MDFI: variants seen among roughly 807,000 people sequenced by gnomAD.
MDFI encodes the protein MyoD family inhibitor, also known as inhibitor of MyoD family a.
In MDFI, 16 loss-of-function variants were observed where a neutral mutation model predicts 22.3. The observed-to-expected ratio is 0.72, with a 90% CI of 0.49 to 1.09. The LOEUF (loss-of-function observed/expected upper bound fraction) is 1.09. Ranked by LOEUF, MDFI falls within the 50% of genes least tolerant of loss-of-function variation. The probability of loss-of-function intolerance (pLI) is 0.00; values close to 1 mark genes in which losing one functional copy is unlikely to be tolerated. For missense variants in MDFI, 314 were observed against 326.1 expected (o/e 0.96, Z 0.29); for synonymous variants, 145 against 142.7 (o/e 1.02, Z -0.12).
In MDFI at chr6:41,653,728, C is replaced by T; in HGVS notation, c.*153C>T. On this transcript the variant is annotated 3_prime_UTR_variant, in exon 5 of 5. Transcript: ENST00000230321. The surrounding 1 kb of genome is among the most constrained non-coding windows in gnomAD (Gnocchi z 4.2). ...ACCCATGTCCTCTCAGAACCCCAGC[C>T]TTGAAAATAGTGGGGGGCACTCAGA... The T allele has an allele frequency of 6.9e-6, 7 of 1,008,638 alleles. No individual in the cohort carries two copies. In the South Asian group the frequency reaches 1.2e-4, roughly 17 times the overall value. The allele number at this position is 1,008,638 out of a possible 1,614,324, so 62.5% of individuals were successfully genotyped here.
chr6:41,645,296 A>G (rs1768005452), intron 2 of MDFI, among the ~76,000 whole-genome samples: 1 of 151,294 alleles, frequency 6.6e-6, no homozygotes, highest in African/African-American at 2.4e-5. Flanking sequence ...TTTCCCCCTG[A>G]GCCTAGGGGC....
At position 41,653,184 on chromosome 6, in the gene MDFI, T is replaced by G; in HGVS notation, c.485-135T>G. The stretch of plus-strand genomic sequence containing the variant: ...AAATGGAGCTGTGGGGACGGATTCG[T>G]GAGCTTCAGGCACACAGTGAACACT... On this transcript the variant is annotated intron_variant, in intron 4 of 4. Coordinates refer to ENST00000230321, the MANE Select transcript of MDFI (RefSeq NM_005586.4). The surrounding 1 kb of genome is among the most constrained non-coding windows in gnomAD (Gnocchi z 4.2). 1.5e-5 allele frequency: 13 copies of G among 892,280 alleles called. No homozygotes were observed. Among genetic ancestry groups the G allele is most frequent in the Non-Finnish European group, 2.3e-5 (13 of 570,034 alleles). The allele number at this position is 892,280 out of a possible 1,614,324, so 55.3% of individuals were successfully genotyped here.
intron 2 of MDFI, among the ~76,000 whole-genome samples, chr6:41,645,428 G>A (rs189001511): frequency 4.6e-5 from 7 of 152,070 alleles, no homozygotes; most frequent in South Asian, 4.2e-4. Flanking sequence ...CCAGTGCTCC[G>A]GCCGGCTCCT....
At chr6:41,652,803 A>T (rs1298995761) in intron 4 of MDFI, among the ~76,000 whole-genome samples, 2 of 151,920 alleles carry the variant, frequency 1.3e-5, no homozygotes, top group African/African-American at 2.4e-5. Context: ...TTTTTAATAG[A>T]GATGGGATTT....
intron 2 of MDFI, among the ~76,000 whole-genome samples, chr6:41,644,144 C>A (rs1383953361): frequency 6.6e-6 from 1 of 152,190 alleles, no homozygotes; most frequent in Non-Finnish European, 1.5e-5. Context: ...GCACCAGCGT[C>A]TCCACTTGCC....
chr6:41,644,187 A>G (rs1178367065), intron 2 of MDFI, among the ~76,000 whole-genome samples: 1 of 152,156 alleles, frequency 6.6e-6, no homozygotes, highest in Non-Finnish European at 1.5e-5. Context: ...CTGATCGTCC[A>G]AAAGCTATTT....
chr6:41,647,281 G>T (rs1378195345), intron 3 of MDFI, among the ~76,000 whole-genome samples: 1 of 152,228 alleles, frequency 6.6e-6, no homozygotes, highest in South Asian at 2.1e-4. Flanking sequence ...CTGAGTGTTT[G>T]CTCTGTGACT....
At chr6:41,650,280 A>G (rs1307203122) in intron 4 of MDFI, among the ~76,000 whole-genome samples, 1 of 152,190 alleles carries the variant, frequency 6.6e-6, no homozygotes, top group African/African-American at 2.4e-5. Flanking sequence ...CAGGGCTGCA[A>G]GGTGCAGTAG....
intron 3 of MDFI, 119 bp from the exon 4 acceptor site, chr6:41,649,500 A>G: frequency 1.1e-6 from 1 of 872,128 alleles, no homozygotes; most frequent in Non-Finnish European, 1.8e-6. Context: ...TGCAGGATAC[A>G]GGTCTGGCTG....
At chr6:41,639,143 G>C (rs1254359080) in intron 2 of MDFI, 3 of 746,372 alleles carry the variant, frequency 4.0e-6, no homozygotes, top group Non-Finnish European at 4.9e-6. Context: ...TCTGGGATTT[G>C]TGTCTCAACT....
At chr6:41,643,650 T>TAA (rs200900866) in intron 2 of MDFI, among the ~76,000 whole-genome samples, 4 of 130,154 alleles carry the variant, frequency 3.1e-5, no homozygotes, top group Non-Finnish European at 4.8e-5. Context: ...AACTACTCAT[T>TAA]AAAAAAAAAA....
At chr6:41,639,671 A>G (rs1318307304) in intron 2 of MDFI, 2 of 985,326 alleles carry the variant, frequency 2.0e-6, no homozygotes. Context: ...CGCGTGCAGG[A>G]GTGTGGACCC....
In MDFI at chr6:41,646,208, C is replaced by G; in HGVS notation, c.159C>G (p.Ser53=). Residue 53 remains serine, a synonymous_variant, in exon 3 of 5, where the codon TCC becomes TCG. Coordinates refer to ENST00000230321, the MANE Select transcript of MDFI (RefSeq NM_005586.4). ...CGGAGGCAGCACCAGAGGAGGGCTC[C>G]CTGGAGGAGGCGGCAACCCCCATGC... ...HPAEAAPEEG[S]LEEAATPMPQ... is the part of the protein sequence containing the mutation. The G allele has an allele frequency of 6.3e-7, 1 of 1,593,744 alleles. No individual in the cohort carries two copies. Among genetic ancestry groups the G allele is most frequent in the African/African-American group, 1.3e-5 (1 of 74,126 alleles).
chr6:41,645,014 C>T (rs72863069), intron 2 of MDFI, among the ~76,000 whole-genome samples: 13,546 of 151,950 alleles, frequency 0.089, 692 homozygotes, highest in South Asian at 0.15. Context: ...TCCCTGCGCT[C>T]TTTTGGCCTC....
At chr6:41,648,075 C>G (rs1381791166) in intron 3 of MDFI, among the ~76,000 whole-genome samples, 2 of 151,022 alleles carry the variant, frequency 1.3e-5, no homozygotes, top group East Asian at 3.9e-4. Flanking sequence ...AAAGAAGCTG[C>G]TCCACCTAAA....
chr6:41,644,679 C>T (rs1447169990), intron 2 of MDFI, among the ~76,000 whole-genome samples: 2 of 152,022 alleles, frequency 1.3e-5, no homozygotes, highest in African/African-American at 4.8e-5. Context: ...AATTACCTCC[C>T]TCCTCTCTTC....
intron 4 of MDFI, chr6:41,650,084 T>G: frequency 4.2e-6 from 2 of 477,836 alleles, no homozygotes; most frequent in Non-Finnish European, 7.4e-6. Flanking sequence ...AAGGTGTACC[T>G]GCCTTCTCAA....
chr6:41,638,707 C>A lies in MDFI; in HGVS notation c.-11-32C>A. On this transcript the variant is annotated intron_variant, in intron 1 of 4. Transcript: ENST00000230321. The surrounding 1 kb of genome is among the most constrained non-coding windows in gnomAD (Gnocchi z 7.6). Reference sequence around the variant, plus strand: ...GGGGGAATCGCCCCTTGCCCGCCTCCGGCGCCGCCCGCTGAGCCCTGTTTT... The same window carrying A: ...GGGGGAATCGCCCCTTGCCCGCCTCAGGCGCCGCCCGCTGAGCCCTGTTTT... 6.5e-7 allele frequency: 1 copy of A among 1,539,308 alleles called. No individual in the cohort carries two copies. The highest frequency in any genetic ancestry group is 1.2e-5 in the South Asian group (1 of 84,022).
At chr6:41,639,135 TG>T in intron 2 of MDFI, 1 of 652,118 alleles carries the variant, frequency 1.5e-6, no homozygotes, top group Non-Finnish European at 1.9e-6. Context: ...TCTGTCCGTC[TG>T]GGATTTGTGT....
Sources: allele counts gnomAD v4.1 joint callset (sites outside exome capture counted in the v4.1 genomes callset), GRCh38; gene constraint gnomAD v4.1.1; non-coding constraint Gnocchi (gnomAD v3.1); transcripts MANE v1.5; gene names NCBI Gene and HGNC (gene_info 2026-07-23, HGNC 2026-07-21).